The following NPEPPS variants were observed in gnomAD, a reference collection of about 807,000 sequenced individuals.
NPEPPS encodes the protein aminopeptidase puromycin sensitive, also known as puromycin-sensitive aminopeptidase.
A neutral mutation model predicts 115.5 loss-of-function variants in NPEPPS; 14 were observed. The observed-to-expected ratio is 0.12, with a 90% CI of 0.08 to 0.19. The LOEUF (loss-of-function observed/expected upper bound fraction) is 0.19, where lower values mean the gene tolerates loss of function less well. Among genes scored for constraint, NPEPPS ranks in the 10% least tolerant of loss-of-function variants. The pLI is 1.00. For missense variants in NPEPPS, 523 were observed against 1,110.8 expected, an observed-to-expected ratio of 0.47 and a Z score of 7.52; for synonymous variants, 285 against 390.6, an observed-to-expected ratio of 0.73 and a Z score of 3.19.
intron 2 of NPEPPS, among the ~76,000 whole-genome samples, chr17:47,566,343 AT>A (rs1205060689): frequency 6.6e-6 from 1 of 150,836 alleles, no homozygotes; most frequent in Non-Finnish European, 1.5e-5. Context: ...GTGATATGTC[AT>A]TGTGATTTTA....
upstream of NPEPPS, among the ~76,000 whole-genome samples, chr17:47,526,832 C>A (rs1310423684): frequency 1.3e-5 from 2 of 152,002 alleles, no homozygotes; most frequent in Non-Finnish European, 2.9e-5. Context: ...GTGGCGGGTG[C>A]CTGTAGTCCC....
chr17:47,536,704 CTTTTTTTTTTTTT>C (rs572115219), intron 1 of NPEPPS, among the ~76,000 whole-genome samples: 1 of 76,844 alleles, frequency 1.3e-5, no homozygotes, highest in African/African-American at 6.4e-5. Flanking sequence ...TGCCTGGCTT[CTTTTTTTTTTTTT>C]TTTTTTTTTT....
At chr17:47,610,613 A>G (rs1913794937) in intron 17 of NPEPPS, among the ~76,000 whole-genome samples, 1 of 151,314 alleles carries the variant, frequency 6.6e-6, no homozygotes, top group Admixed American at 6.6e-5. Context: ...CGAGCTGTTG[A>G]CCTCGTGATC....
intron 2 of NPEPPS, among the ~76,000 whole-genome samples, chr17:47,556,836 G>T (rs1285892138): frequency 1.3e-5 from 2 of 152,208 alleles, no homozygotes. Flanking sequence ...TAGAGATGGG[G>T]TTTCCCCACG....
At chr17:47,564,449 T>A (rs1567849005) in intron 2 of NPEPPS, among the ~76,000 whole-genome samples, 2 of 152,052 alleles carry the variant, frequency 1.3e-5, no homozygotes, top group Non-Finnish European at 2.9e-5. Flanking sequence ...AATTGAATAA[T>A]CGTATATACC....
At chr17:47,610,002 CATTT>C (rs1273998803) in intron 17 of NPEPPS, among the ~76,000 whole-genome samples, 6 of 152,054 alleles carry the variant, frequency 3.9e-5, no homozygotes, top group Non-Finnish European at 8.8e-5. Flanking sequence ...TTTAATCAAT[CATTT>C]ATTTCCTGGA....
chr17:47,572,683 C>T (rs1368058650), intron 3 of NPEPPS, among the ~76,000 whole-genome samples: 1 of 152,128 alleles, frequency 6.6e-6, no homozygotes, highest in Admixed American at 6.6e-5. Flanking sequence ...GTAGAAAAAA[C>T]AGATAGAAAA....
In NPEPPS at chr17:47,599,678, A is replaced by G. The variant is rs758412346; in HGVS notation, c.1539A>G (p.Val513=). The G allele has an allele frequency of 3.8e-6, 6 of 1,559,312 alleles. No individual in the cohort carries two copies. The highest frequency in any genetic ancestry group is 1.2e-5 in the South Asian group (1 of 84,596). The change falls in exon 14 of 23, where the codon GTA becomes GTG. Residue 513 remains valine, a splice_region_variant and synonymous_variant. Coordinates refer to ENST00000322157, the MANE Select transcript of NPEPPS (RefSeq NM_006310.4). ...TAGCCTTTGTTTTGCTTCTTTAGGT[A>G]GAAGATGACAGATTATTGAGGTTGT... is the stretch of plus-strand genomic sequence containing the variant. ...FPLIYVEAEQ[V]EDDRLLRLSQ... is the part of the protein sequence containing the mutation.
chr17:47,578,562 CAAAA>C (rs1567855529), intron 3 of NPEPPS, among the ~76,000 whole-genome samples: 4 of 151,970 alleles, frequency 2.6e-5, no homozygotes, highest in African/African-American at 2.4e-5. Context: ...TATATGAACT[CAAAA>C]AAGCTCACTT....
At chr17:47,597,740 T>C (rs1284339901) in intron 13 of NPEPPS, among the ~76,000 whole-genome samples, 1 of 152,230 alleles carries the variant, frequency 6.6e-6, no homozygotes, top group African/African-American at 2.4e-5. Flanking sequence ...TTCTGCACAT[T>C]TGTATTCTAG....
Position 47,623,234 on chromosome 17 carries a change from TA to T in NPEPPS, c.*1320del, listed in dbSNP as rs1914704216. ...TGTGCTATTGTTTTAAAAAAATAAT[TA>T]AAAAACAGTTGGCGTTAATAAAAAT... On this transcript the variant is annotated 3_prime_UTR_variant, in exon 23 of 23. Transcript: ENST00000322157. 5.7e-6 allele frequency: 1 copy of T among 175,900 alleles called. No homozygotes were observed. The highest frequency in any genetic ancestry group is 1.2e-5 in the Non-Finnish European group (1 of 82,804). 10.9% of individuals were successfully genotyped at this position (175,900 alleles called of 1,614,324 possible).
At position 47,603,823 on chromosome 17, in the gene NPEPPS, T is replaced by C; in HGVS notation, c.1741-92T>C. On this transcript the variant is annotated intron_variant, in intron 15 of 22. Coordinates refer to ENST00000322157, the MANE Select transcript of NPEPPS (RefSeq NM_006310.4). ...GTCTTAATTGTTTTTCATCCAGATA[T>C]ATCTAAAACCAGAACTCCTTTTAAA... is the stretch of plus-strand genomic sequence containing the variant. 5 of 1,188,204 alleles carry C rather than the reference T, an allele frequency of 4.2e-6. No individual in the cohort carries two copies. In the Admixed American group the frequency reaches 6.8e-5, roughly 16 times the overall value. The allele number at this position is 1,188,204 out of a possible 1,614,324, so 73.6% of individuals were successfully genotyped here. A position where few individuals can be genotyped will look rare whatever the true frequency, so the allele number is the denominator to read the frequency against.
At chr17:47,588,543 A>G (rs1235912148) in intron 9 of NPEPPS, among the ~76,000 whole-genome samples, 3 of 152,018 alleles carry the variant, frequency 2.0e-5, no homozygotes, top group Non-Finnish European at 4.4e-5. Context: ...CAGCCTGGGC[A>G]ACAAGAGCGA....
chr17:47,539,766 C>A (rs1908617980), intron 1 of NPEPPS, among the ~76,000 whole-genome samples: 1 of 152,120 alleles, frequency 6.6e-6, no homozygotes, highest in Non-Finnish European at 1.5e-5. Context: ...TGGCTCTTTT[C>A]AATGTTTCTT....
intron 13 of NPEPPS, among the ~76,000 whole-genome samples, chr17:47,597,926 C>T (rs2143901771): frequency 6.6e-6 from 1 of 152,262 alleles, no homozygotes; most frequent in East Asian, 1.9e-4. Flanking sequence ...GCTGCAATAA[C>T]TTGGAAAGGC....
chr17:47,547,089 C>T (rs1475944046), intron 2 of NPEPPS, among the ~76,000 whole-genome samples: 3 of 151,826 alleles, frequency 2.0e-5, no homozygotes, highest in Non-Finnish European at 4.4e-5. Flanking sequence ...AAAACATTTG[C>T]TTTATGAGAC....
chr17:47,611,142 G>A (rs1336924464), intron 17 of NPEPPS, among the ~76,000 whole-genome samples: 3 of 151,788 alleles, frequency 2.0e-5, no homozygotes, highest in Non-Finnish European at 4.4e-5. Flanking sequence ...GTGAGCCACC[G>A]CGCCCGTCCT....
intron 9 of NPEPPS, among the ~76,000 whole-genome samples, chr17:47,589,718 A>G (rs1912388753): frequency 6.6e-6 from 1 of 152,208 alleles, no homozygotes; most frequent in South Asian, 2.1e-4. Flanking sequence ...TTTATATTCC[A>G]TAAGTGCTTA....
chr17:47,618,087 G>A (rs937788469), intron 19 of NPEPPS, among the ~76,000 whole-genome samples: 5 of 150,688 alleles, frequency 3.3e-5, no homozygotes, highest in Non-Finnish European at 5.9e-5. Context: ...CACCATGTTG[G>A]CCAGGCTGAT....
Sources: gnomAD v4.1 joint callset for allele counts (sites outside exome capture counted in the v4.1 genomes callset) on GRCh38, gnomAD v4.1.1 for gene constraint, MANE v1.5 for transcripts, NCBI Gene and HGNC (gene_info 2026-07-23, HGNC 2026-07-21) for gene names.